ARHGEF28: variants seen among roughly 807,000 people sequenced by gnomAD.
ARHGEF28 encodes the protein Rho guanine nucleotide exchange factor 28.
A neutral mutation model predicts 206.6 loss-of-function variants in ARHGEF28; 152 were observed. The ratio of observed to expected loss-of-function variants is 0.74; its 90% CI spans 0.64 to 0.84. The LOEUF is 0.84. Among genes scored for constraint, ARHGEF28 ranks in the 40% least tolerant of loss-of-function variants. The pLI is 0.00. For missense variants in ARHGEF28, 2,028 were observed against 2,073.2 expected (o/e 0.98, Z 0.42); for synonymous variants, 763 against 776.4 (o/e 0.98, Z 0.29).
chr5:73,817,771 G>A (rs1404799817), intron 9 of ARHGEF28, among the ~76,000 whole-genome samples: 2 of 152,160 alleles, frequency 1.3e-5, no homozygotes, highest in Non-Finnish European at 2.9e-5. Context: ...ACACTCGAGA[G>A]TGTCCTTCCT....
chr5:73,658,343 C>G (rs547114121), intron 1 of ARHGEF28, among the ~76,000 whole-genome samples: 1 of 152,156 alleles, frequency 6.6e-6, no homozygotes, highest in South Asian at 2.1e-4. Flanking sequence ...TCTTACTCAC[C>G]TTAGAATTTC....
In ARHGEF28 at chr5:73,775,064, C is replaced by CCTAT. The variant is rs1753467114; in HGVS notation, c.659+1029_659+1032dup. 2.6e-5 allele frequency among the ~76,000 whole-genome samples: 4 copies of CCTAT among 152,266 alleles called. No individual in the cohort carries two copies. The Middle Eastern group carries it at 0.014, about 518-fold the overall frequency. The stretch of plus-strand genomic sequence containing the variant: ...AAATGACCATCAGCCAAGGGGCAAG[C>CCTAT]CTATCTGGAGGGAATTGTCCTTTTC... On this transcript the variant is annotated intron_variant, in intron 5 of 35. Transcript: ENST00000513042.
chr5:73,693,659 C>T lies in ARHGEF28; in HGVS notation c.33+8775C>T, dbSNP rs559856904. On this transcript the variant is annotated intron_variant, in intron 2 of 35. Coordinates refer to ENST00000513042, the MANE Select transcript of ARHGEF28 (RefSeq NM_001177693.2). ...TTACTTTGTGCAAATTTGTTTTTAG[C>T]GAATTATATTAACTTTACTTGTGTC... 2.6e-5 allele frequency among the ~76,000 whole-genome samples: 4 copies of T among 152,270 alleles called. No individual in the cohort carries two copies. The East Asian group carries it at 5.8e-4, about 22-fold the overall frequency.
In ARHGEF28 at chr5:73,722,610, C is replaced by T. The variant is rs138325301; in HGVS notation, c.34-27227C>T. On this transcript the variant is annotated intron_variant, in intron 2 of 35. Coordinates refer to ENST00000513042, the MANE Select transcript of ARHGEF28 (RefSeq NM_001177693.2). ...AATAATGGGTGTGGATATTCTTACTCCTATTTATTGTTGAACATTTGGTTC... is the reference window on the plus strand; with the variant it reads ...AATAATGGGTGTGGATATTCTTACTTCTATTTATTGTTGAACATTTGGTTC... 3.9e-5 allele frequency among the ~76,000 whole-genome samples: 6 copies of T among 152,324 alleles called. No homozygotes were observed. The East Asian group carries it at 1.2e-3, about 29-fold the overall frequency.
At chr5:73,728,879 T>C (rs895547101) in intron 2 of ARHGEF28, among the ~76,000 whole-genome samples, 14 of 152,138 alleles carry the variant, frequency 9.2e-5, no homozygotes, top group Admixed American at 9.2e-4. Context: ...AAAGGAAGAC[T>C]ACGGTGCTGG....
chr5:73,815,580 C>T (rs933490877), intron 9 of ARHGEF28, among the ~76,000 whole-genome samples: 2 of 152,094 alleles, frequency 1.3e-5, no homozygotes, highest in Non-Finnish European at 2.9e-5. Flanking sequence ...GGGTTGTAAT[C>T]TGCTTTATTT....
At chr5:73,660,439 C>T (rs981365478) in intron 1 of ARHGEF28, among the ~76,000 whole-genome samples, 4 of 152,200 alleles carry the variant, frequency 2.6e-5, no homozygotes, top group Non-Finnish European at 5.9e-5. Flanking sequence ...TTGGAATCAA[C>T]TTCTTTCAAA....
At chr5:73,776,054 A>G (rs1753522817) in intron 5 of ARHGEF28, among the ~76,000 whole-genome samples, 1 of 152,234 alleles carries the variant, frequency 6.6e-6, no homozygotes, top group Non-Finnish European at 1.5e-5. Context: ...ATGTGTTATG[A>G]ATATCTCACT....
At chr5:73,644,373 C>T (rs1481062913) in intron 1 of ARHGEF28, among the ~76,000 whole-genome samples, 1 of 152,210 alleles carries the variant, frequency 6.6e-6, no homozygotes, top group East Asian at 1.9e-4. Flanking sequence ...TGATGATTTC[C>T]TGGCTATAGT....
rs187750000 is a variant in ARHGEF28, at chr5:73,727,979, C to T, written c.34-21858C>T. Among the ~76,000 whole-genome samples, 19 of 152,288 alleles carry T rather than the reference C, an allele frequency of 1.2e-4. No individual in the cohort carries two copies. In the East Asian group the frequency reaches 1.7e-3, roughly 14 times the overall value. On this transcript the variant is annotated intron_variant, in intron 2 of 35. Coordinates refer to ENST00000513042, the MANE Select transcript of ARHGEF28 (RefSeq NM_001177693.2). The stretch of plus-strand genomic sequence containing the variant: ...GTCTGAAATCTCTAGGTCCTTTCCA[C>T]GTCAATGCTATTTATCTGGTCCTCT...
chr5:73,870,863 T>C (rs1346852872), intron 21 of ARHGEF28, among the ~76,000 whole-genome samples: 1 of 152,204 alleles, frequency 6.6e-6, no homozygotes, highest in East Asian at 1.9e-4. Flanking sequence ...GATTCCAAAA[T>C]GTGGTTCCAA....
intron 2 of ARHGEF28, among the ~76,000 whole-genome samples, chr5:73,691,915 G>T (rs999309341): frequency 5.9e-5 from 9 of 152,152 alleles, no homozygotes; most frequent in African/African-American, 2.2e-4. Context: ...ATCTCTATGG[G>T]ATAGATTCCT....
intron 2 of ARHGEF28, among the ~76,000 whole-genome samples, chr5:73,739,698 C>A (rs1015792545): frequency 6.6e-6 from 1 of 151,708 alleles, no homozygotes; most frequent in Non-Finnish European, 1.5e-5. Context: ...GTAGTTCCAG[C>A]TCCTCAGGAG....
chr5:73,778,702 A>AT (rs1481190414), intron 6 of ARHGEF28, among the ~76,000 whole-genome samples: 2 of 152,096 alleles, frequency 1.3e-5, no homozygotes, highest in Non-Finnish European at 2.9e-5. Flanking sequence ...TCTTATCTAA[A>AT]TTTTTTGTGA....
chr5:73,830,462 G>A (rs1757222514), intron 9 of ARHGEF28, among the ~76,000 whole-genome samples: 1 of 151,766 alleles, frequency 6.6e-6, no homozygotes, highest in East Asian at 1.9e-4. Context: ...GCTGAGGCAG[G>A]AGAATGGCGT....
intron 7 of ARHGEF28, among the ~76,000 whole-genome samples, chr5:73,791,271 A>G (rs527363068): frequency 2.0e-5 from 3 of 152,344 alleles, no homozygotes; most frequent in African/African-American, 7.2e-5. Flanking sequence ...ATTGAGAAAA[A>G]AAGATTCATT....
chr5:73,661,058 T>C (rs1745569631), intron 1 of ARHGEF28, among the ~76,000 whole-genome samples: 1 of 152,250 alleles, frequency 6.6e-6, no homozygotes, highest in South Asian at 2.1e-4. Context: ...AGTCCTAGAT[T>C]ACATCTTTTT....
intron 6 of ARHGEF28, among the ~76,000 whole-genome samples, chr5:73,777,270 T>C (rs1471705094): frequency 6.6e-6 from 1 of 152,184 alleles, no homozygotes; most frequent in Admixed American, 6.5e-5. Context: ...TGGTAGACTT[T>C]GAAAGAATAT....
At chr5:73,694,089 C>T (rs1257613166) in intron 2 of ARHGEF28, among the ~76,000 whole-genome samples, 1 of 152,232 alleles carries the variant, frequency 6.6e-6, no homozygotes, top group African/African-American at 2.4e-5. Context: ...AAACCTTTGA[C>T]TTACAAACAT....
Sources: gnomAD v4.1 joint callset for allele counts (sites outside exome capture counted in the v4.1 genomes callset) on GRCh38, gnomAD v4.1.1 for gene constraint, MANE v1.5 for transcripts, NCBI Gene and HGNC (gene_info 2026-07-23, HGNC 2026-07-21) for gene names.